Variants in MTHFD2 observed in about 807,000 individuals in gnomAD.
MTHFD2 encodes the protein bifunctional methylenetetrahydrofolate dehydrogenase/cyclohydrolase, mitochondrial.
In MTHFD2, 26 loss-of-function variants were observed where a neutral mutation model predicts 36.8. The ratio of observed to expected loss-of-function variants is 0.71; its 90% confidence interval spans 0.52 to 0.98. The LOEUF (loss-of-function observed/expected upper bound fraction) is 0.98, where lower values mean the gene tolerates loss of function less well. MTHFD2 is among the 50% of genes least tolerant of loss of function. The pLI is 0.00. For missense variants in MTHFD2, 373 were observed against 434.0 expected (o/e 0.86, Z 1.25); for synonymous variants, 164 against 155.2 (o/e 1.06, Z -0.42).
intron 1 of MTHFD2, among the ~76,000 whole-genome samples, chr2:74,202,475 G>C (rs1215434468): frequency 6.6e-6 from 1 of 151,950 alleles, no homozygotes; most frequent in Non-Finnish European, 1.5e-5. Flanking sequence ...AATGAGGAAT[G>C]TTGCCAGGTG....
At position 74,215,666 on chromosome 2, in the gene MTHFD2, T is replaced by G. The variant is rs1396442299; in HGVS notation, c.*1424T>G. ...CTCTGTTGCCCAGGCTGGAGTGCAGTGGCATGATCTCGGGTCACTGCAACC... is the reference window on the plus strand; with the variant it reads ...CTCTGTTGCCCAGGCTGGAGTGCAGGGGCATGATCTCGGGTCACTGCAACC... On this transcript the variant is annotated 3_prime_UTR_variant, in exon 8 of 8. Coordinates refer to ENST00000394053, the MANE Select transcript of MTHFD2 (RefSeq NM_006636.4). 1 of 152,460 alleles carries G rather than the reference T, an allele frequency of 6.6e-6. No individual in the cohort carries two copies. The highest frequency in any genetic ancestry group is 1.5e-5 in the Non-Finnish European group (1 of 68,256). 9.4% of individuals were successfully genotyped at this position (152,460 alleles called of 1,614,324 possible).
At chr2:74,202,822 G>GGCCT (rs1336310845) in intron 1 of MTHFD2, among the ~76,000 whole-genome samples, 1 of 151,950 alleles carries the variant, frequency 6.6e-6, no homozygotes, top group Non-Finnish European at 1.5e-5. Flanking sequence ...CACCATGCCC[G>GGCCT]GCCTGCAAAA....
At position 74,211,731 on chromosome 2, in the gene MTHFD2, C is replaced by G. The variant is rs1283383150; in HGVS notation, c.764-10C>G. ...AGTACTAAGTTGATCTTTCCTTTCT[C>G]CATTTCCAGGTATTCCAAATCTGAT... On this transcript the variant is annotated splice_polypyrimidine_tract_variant and intron_variant, in intron 6 of 7. Coordinates refer to ENST00000394053, the MANE Select transcript of MTHFD2 (RefSeq NM_006636.4). The G allele has an allele frequency of 1.9e-6, 3 of 1,601,188 alleles. No homozygotes were observed. Among genetic ancestry groups the G allele is most frequent in the African/African-American group, 1.3e-5 (1 of 74,498 alleles).
At chr2:74,207,165 G>C (rs1178556947) in intron 2 of MTHFD2, among the ~76,000 whole-genome samples, 4 of 152,044 alleles carry the variant, frequency 2.6e-5, no homozygotes, top group Non-Finnish European at 5.9e-5. Context: ...GTCTCGCTCT[G>C]TTGCGCAGGC....
chr2:74,200,484 T>C (rs1355676485), intron 1 of MTHFD2, among the ~76,000 whole-genome samples: 1 of 151,686 alleles, frequency 6.6e-6, no homozygotes, highest in East Asian at 1.9e-4. Flanking sequence ...AAATACTGTT[T>C]ATTTTTAAAT....
intron 1 of MTHFD2, among the ~76,000 whole-genome samples, chr2:74,203,854 T>TAGTTG (rs1694101357): frequency 4.5e-5 from 2 of 44,850 alleles, no homozygotes; most frequent in South Asian, 1.1e-3. Context: ...TAGTTTAGTT[T>TAGTTG]AGTTTAGTTT....
rs367897245 is a variant in MTHFD2, at chr2:74,212,987, C to T, written c.890-1092C>T. On this transcript the variant is annotated intron_variant, in intron 7 of 7. Coordinates refer to ENST00000394053, the MANE Select transcript of MTHFD2 (RefSeq NM_006636.4). Reference sequence around the variant, plus strand: ...TGGTGTGATCTCTGCTCACTGCAACCTCCACCTCCCAGGTTCAAGTGATTC... The same window carrying T: ...TGGTGTGATCTCTGCTCACTGCAACTTCCACCTCCCAGGTTCAAGTGATTC... 7.9e-5 allele frequency among the ~76,000 whole-genome samples: 12 copies of T among 152,054 alleles called. No individual in the cohort carries two copies. The East Asian group carries it at 1.9e-3, about 24-fold the overall frequency.
chr2:74,198,648 G>A lies in MTHFD2; in HGVS notation c.7G>A (p.Ala3Thr). The stretch of plus-strand genomic sequence containing the variant: ...GCAGTCACCGGCGCGGTCTATGGCT[G>A]CGACTTCTCTAATGTCTGCTTTGGC... MA[A>T]TSLMSALAAR... is the part of the protein sequence containing the mutation. Residue 3 changes from alanine (A) to threonine (T), a missense_variant, in exon 1 of 8, where the codon GCG (alanine) becomes ACG (threonine). Coordinates refer to ENST00000394053, the MANE Select transcript of MTHFD2 (RefSeq NM_006636.4). 1.2e-6 allele frequency: 2 copies of A among 1,608,794 alleles called. No homozygotes were observed. The highest frequency in any genetic ancestry group is 1.7e-6 in the Non-Finnish European group (2 of 1,177,944).
rs575910440 is a variant in MTHFD2 at position 74,210,919 on chromosome 2, T to A, written c.671-280T>A. On this transcript the variant is annotated intron_variant, in intron 5 of 7. Coordinates refer to ENST00000394053, the MANE Select transcript of MTHFD2 (RefSeq NM_006636.4). Reference sequence around the variant, plus strand: ...CTCATGCCTCAGCCTCCCAAGTAGCTGGGATTACAGGCATGCGCCACCACG... The same window carrying A: ...CTCATGCCTCAGCCTCCCAAGTAGCAGGGATTACAGGCATGCGCCACCACG... Among the ~76,000 whole-genome samples, 5 of 152,160 alleles carry A rather than the reference T, an allele frequency of 3.3e-5. No homozygotes were observed. The South Asian group carries it at 1.0e-3, about 32-fold the overall frequency.
At chr2:74,203,823 C>T (rs189076508) in intron 1 of MTHFD2, among the ~76,000 whole-genome samples, 1 of 141,620 alleles carries the variant, frequency 7.1e-6, no homozygotes, top group African/African-American at 2.6e-5. Context: ...GATCATTTTA[C>T]TTAAGGAAGA....
chr2:74,207,373 T>C (rs775636334), intron 2 of MTHFD2, among the ~76,000 whole-genome samples: 15 of 147,202 alleles, frequency 1.0e-4, no homozygotes, highest in Non-Finnish European at 1.4e-4. Context: ...CGTGATCCGC[T>C]GGCCTTGGCC....
Position 74,214,247 on chromosome 2 carries a change from T to C in MTHFD2, c.*5T>C. ...CTTGGGGTAGCCACTAATTAACTAC[T>C]GTGTCTTCTGTGTCACAAACAGCAC... On this transcript the variant is annotated 3_prime_UTR_variant, in exon 8 of 8. Coordinates refer to ENST00000394053, the MANE Select transcript of MTHFD2 (RefSeq NM_006636.4). The C allele has an allele frequency of 1.2e-6, 2 of 1,612,914 alleles. No individual in the cohort carries two copies. The highest frequency in any genetic ancestry group is 1.1e-5 in the South Asian group (1 of 90,916).
chr2:74,207,823 C>T lies in MTHFD2; in HGVS notation c.406C>T (p.Pro136Ser). The change falls in exon 3 of 8, where the codon CCA becomes TCA. Residue 136 changes from proline to serine, a missense_variant. By Grantham distance (74) the Pro-to-Ser change is moderately conservative (BLOSUM62 -1). Coordinates refer to ENST00000394053, the MANE Select transcript of MTHFD2 (RefSeq NM_006636.4). ...TGGCCTCCTTGTTCAGTTGCCTCTTCCAGGTGAGTTTTGGACTCCATTTAA... is the reference window on the plus strand; with the variant it reads ...TGGCCTCCTTGTTCAGTTGCCTCTTTCAGGTGAGTTTTGGACTCCATTTAA... ...VDGLLVQLPLPEHIDERRICN... is the reference protein window; with the variant it reads ...VDGLLVQLPLSEHIDERRICN... 1 of 1,580,238 alleles carries T rather than the reference C, an allele frequency of 6.3e-7. No homozygotes were observed. Among genetic ancestry groups the T allele is most frequent in the Middle Eastern group, 1.7e-4 (1 of 5,914 alleles).
chr2:74,202,093 A>C (rs1694054457), intron 1 of MTHFD2, among the ~76,000 whole-genome samples: 1 of 152,058 alleles, frequency 6.6e-6, no homozygotes, highest in African/African-American at 2.4e-5. Context: ...GAATGTGCTA[A>C]TACCATTTTC....
chr2:74,209,973 G>C lies in MTHFD2; in HGVS notation c.594G>C (p.Val198=). The C allele has an allele frequency of 1.2e-6, 2 of 1,613,316 alleles. No individual in the cohort carries two copies. The highest frequency in any genetic ancestry group is 1.7e-6 in the Non-Finnish European group (2 of 1,179,578). The change falls in exon 5 of 8, where the codon GTG becomes GTC. Residue 198 remains valine (V), a synonymous_variant. Coordinates refer to ENST00000394053, the MANE Select transcript of MTHFD2 (RefSeq NM_006636.4). ...CAACCCTAGGGAAGAATGTGGTTGT[G>C]GCTGGAAGGTCAAAAAACGTTGGAA... is the stretch of plus-strand genomic sequence containing the variant. ...GIPTLGKNVV[V]AGRSKNVGMP...
intron 1 of MTHFD2, among the ~76,000 whole-genome samples, chr2:74,202,813 A>T (rs543643591): frequency 3.0e-4 from 46 of 152,262 alleles, no homozygotes; most frequent in African/African-American, 1.1e-3. Context: ...GATGTGAGCC[A>T]CCATGCCCGG....
chr2:74,199,684 G>C (rs981769595), intron 1 of MTHFD2, among the ~76,000 whole-genome samples: 6 of 147,820 alleles, frequency 4.1e-5, no homozygotes, highest in Non-Finnish European at 7.4e-5. Flanking sequence ...CTCCAGTCTG[G>C]GCGACAGAGC....
intron 4 of MTHFD2, among the ~76,000 whole-genome samples, chr2:74,209,489 G>C (rs1162829043): frequency 6.6e-6 from 1 of 151,486 alleles, no homozygotes; most frequent in African/African-American, 2.4e-5. Context: ...CTGACCTTGT[G>C]ATCCACCTGC....
At chr2:74,202,884 A>G (rs1694072421) in intron 1 of MTHFD2, among the ~76,000 whole-genome samples, 1 of 152,160 alleles carries the variant, frequency 6.6e-6, no homozygotes, top group Non-Finnish European at 1.5e-5. Flanking sequence ...AATTGTGAAT[A>G]TTAATATGTT....
Sources: gnomAD v4.1 joint callset for allele counts (sites outside exome capture counted in the v4.1 genomes callset) on GRCh38, gnomAD v4.1.1 for gene constraint, MANE v1.5 for transcripts, NCBI Gene and HGNC (gene_info 2026-07-23, HGNC 2026-07-21) for gene names.